Variants in LRFN5 observed in about 807,000 individuals in gnomAD.
The protein encoded by LRFN5 is leucine rich repeat and fibronectin type III domain containing 5.
In LRFN5, 24 loss-of-function variants were observed where a neutral mutation model predicts 45.6. The observed-to-expected ratio is 0.53, with a 90% CI of 0.38 to 0.74. The LOEUF is 0.74. LRFN5 is among the 30% of genes least tolerant of loss of function. The pLI is 0.00. For synonymous variants in LRFN5, 340 were observed against 313.8 expected (o/e 1.08, Z -0.88); for missense variants, 776 against 861.5 (o/e 0.90, Z 1.24).
intron 1 of LRFN5, among the ~76,000 whole-genome samples, chr14:41,670,256 GATATATAT>G (rs1165968461): frequency 0.035 from 1,590 of 45,610 alleles, 53 homozygotes; most frequent in South Asian, 0.056. Flanking sequence ...CATACACACA[GATATATAT>G]ATATATATAT....
intron 1 of LRFN5, among the ~76,000 whole-genome samples, chr14:41,748,381 TGAG>T (rs1049653805): frequency 6.6e-6 from 1 of 152,038 alleles, no homozygotes; most frequent in Non-Finnish European, 1.5e-5. Flanking sequence ...GGATAAATGT[TGAG>T]GAGATTATGC....
chr14:41,747,004 G>A (rs1037417951), intron 1 of LRFN5, among the ~76,000 whole-genome samples: 5 of 151,804 alleles, frequency 3.3e-5, no homozygotes, highest in Non-Finnish European at 5.9e-5. Context: ...AACAAAGGAG[G>A]CAAAAGCCTT....
chr14:41,746,402 G>A (rs907290863), intron 1 of LRFN5, among the ~76,000 whole-genome samples: 1 of 151,934 alleles, frequency 6.6e-6, no homozygotes, highest in Non-Finnish European at 1.5e-5. Flanking sequence ...ACTCAGTGGG[G>A]CAAGACTAAA....
intron 1 of LRFN5, among the ~76,000 whole-genome samples, chr14:41,748,526 A>G (rs532700631): frequency 6.6e-6 from 1 of 152,066 alleles, no homozygotes; most frequent in Non-Finnish European, 1.5e-5. Context: ...GATAATGGAG[A>G]GTTATTTTTT....
intron 2 of LRFN5, among the ~76,000 whole-genome samples, chr14:41,804,242 T>C (rs1424849873): frequency 3.3e-5 from 5 of 152,018 alleles, no homozygotes. Context: ...GAGAGGGAGA[T>C]GCCTAGTGAA....
At chr14:41,799,738 T>C (rs1010923484) in intron 2 of LRFN5, among the ~76,000 whole-genome samples, 1 of 152,024 alleles carries the variant, frequency 6.6e-6, no homozygotes, top group African/African-American at 2.4e-5. Context: ...ATAAACGCAT[T>C]TGGTGGTGTT....
At chr14:41,895,419 T>C (rs966741333) in intron 4 of LRFN5, among the ~76,000 whole-genome samples, 24 of 151,784 alleles carry the variant, frequency 1.6e-4, no homozygotes, top group Non-Finnish European at 2.9e-4. Flanking sequence ...AGGTCAGGAG[T>C]TAGAGACCAG....
chr14:41,705,813 C>A (rs1883040168), intron 1 of LRFN5, among the ~76,000 whole-genome samples: 1 of 151,936 alleles, frequency 6.6e-6, no homozygotes, highest in Admixed American at 6.6e-5. Context: ...CTTTTCTCTG[C>A]AATACAAACG....
At chr14:41,697,738 CTA>C (rs1882676050) in intron 1 of LRFN5, among the ~76,000 whole-genome samples, 1 of 150,570 alleles carries the variant, frequency 6.6e-6, no homozygotes, top group East Asian at 1.9e-4. Context: ...TAAGATATGA[CTA>C]TTACAAATAG....
intron 2 of LRFN5, among the ~76,000 whole-genome samples, chr14:41,805,651 T>C (rs770631077): frequency 2.7e-5 from 4 of 150,026 alleles, no homozygotes; most frequent in Non-Finnish European, 5.9e-5. Context: ...GAGAATATAA[T>C]GATGAGTTCA....
At chr14:41,885,162 A>C (rs959150536) in intron 2 of LRFN5, among the ~76,000 whole-genome samples, 1 of 27,354 alleles carries the variant, frequency 3.7e-5, no homozygotes, top group Non-Finnish European at 1.1e-4. Context: ...CTACAAAAAA[A>C]AAAAAAAAAA....
At chr14:41,845,547 A>C (rs1889032715) in intron 2 of LRFN5, among the ~76,000 whole-genome samples, 1 of 152,086 alleles carries the variant, frequency 6.6e-6, no homozygotes, top group East Asian at 1.9e-4. Context: ...TTCTCTCAGT[A>C]GTCTACATCT....
Position 41,891,630 on chromosome 14 carries a change from T to C in LRFN5, c.1766T>C (p.Val589Ala), listed in dbSNP as rs1425930807. 1.9e-6 allele frequency: 3 copies of C among 1,614,056 alleles called. No homozygotes were observed. Among genetic ancestry groups the C allele is most frequent in the Non-Finnish European group, 1.7e-6 (2 of 1,180,042 alleles). Residue 589 changes from valine (V) to alanine (A), a missense_variant, in exon 4 of 6, where the codon GTG (valine) becomes GCG (alanine). Coordinates refer to ENST00000298119, the MANE Select transcript of LRFN5 (RefSeq NM_152447.5). Reference sequence around the variant, plus strand: ...TGTAGTGTAACGCTGCCCCAGTCCGTGTCCAAACAAGCTGTGGGACACGAA... The same window carrying C: ...TGTAGTGTAACGCTGCCCCAGTCCGCGTCCAAACAAGCTGTGGGACACGAA... ...QGCSVTLPQS[V>A]SKQAVGHEEN... is the part of the protein sequence containing the mutation.
At chr14:41,675,807 A>C (rs1017202995) in intron 1 of LRFN5, among the ~76,000 whole-genome samples, 1 of 152,232 alleles carries the variant, frequency 6.6e-6, no homozygotes, top group Non-Finnish European at 1.5e-5. Flanking sequence ...TCTCTCCAGC[A>C]AAACAATAAT....
intron 1 of LRFN5, among the ~76,000 whole-genome samples, chr14:41,706,845 T>C (rs1179977500): frequency 6.6e-6 from 1 of 152,210 alleles, no homozygotes; most frequent in Admixed American, 6.5e-5. Flanking sequence ...ATAAAAGAGA[T>C]CTAGATGTTA....
intron 2 of LRFN5, among the ~76,000 whole-genome samples, chr14:41,835,703 C>A (rs1888638627): frequency 6.6e-6 from 1 of 151,906 alleles, no homozygotes; most frequent in Admixed American, 6.6e-5. Context: ...TCCAGCCTGG[C>A]ATGACAGAGT....
At chr14:41,737,268 A>G (rs760979893) in intron 1 of LRFN5, among the ~76,000 whole-genome samples, 52 of 152,210 alleles carry the variant, frequency 3.4e-4, no homozygotes, top group Non-Finnish European at 6.5e-4. Flanking sequence ...TTATCTCAAT[A>G]GATGCTGAAA....
At chr14:41,818,071 C>T (rs1334223316) in intron 2 of LRFN5, among the ~76,000 whole-genome samples, 1 of 151,894 alleles carries the variant, frequency 6.6e-6, no homozygotes, top group East Asian at 1.9e-4. Flanking sequence ...ATTTTATTTC[C>T]TTTAATTCTG....
In LRFN5 at chr14:41,607,145, T is replaced by G. The variant is rs1887518684; in HGVS notation, c.-1614T>G. Among the ~76,000 whole-genome samples, 1 of 152,160 alleles carries G rather than the reference T, an allele frequency of 6.6e-6. No homozygotes were observed. Among genetic ancestry groups the G allele is most frequent in the Admixed American group, 6.5e-5 (1 of 15,284 alleles). ...CCGAACGGAGGACTATGTATGTGTG[T>G]GCGCGTGTTTGCGTGTGTTTGAGCG... On this transcript the variant is annotated 5_prime_UTR_variant, in exon 1 of 6. Coordinates refer to ENST00000298119, the MANE Select transcript of LRFN5 (RefSeq NM_152447.5).
Sources: gnomAD v4.1 joint callset for allele counts (sites outside exome capture counted in the v4.1 genomes callset) on GRCh38, gnomAD v4.1.1 for gene constraint, MANE v1.5 for transcripts, NCBI Gene and HGNC (gene_info 2026-07-23, HGNC 2026-07-21) for gene names.